Variants in TNIK observed in about 807,000 individuals in gnomAD.
The protein encoded by TNIK is TRAF2 and NCK interacting kinase, also known as TRAF2 and NCK-interacting protein kinase.
A neutral mutation model predicts 191.3 loss-of-function variants in TNIK; 49 were observed. That is an observed-to-expected ratio of 0.26 (90% confidence interval 0.20 to 0.32). TNIK has a LOEUF of 0.32. Among genes scored for constraint, TNIK ranks in the 10% least tolerant of loss-of-function variants. The probability of loss-of-function intolerance (pLI) is 1.00; values close to 1 mark genes in which losing one functional copy is unlikely to be tolerated. For synonymous variants in TNIK, 594 were observed against 600.9 expected (o/e 0.99, Z 0.17); for missense variants, 1,155 against 1,702.3 (o/e 0.68, Z 5.66).
intron 1 of TNIK, among the ~76,000 whole-genome samples, chr3:171,441,837 T>C (rs1413150984): frequency 6.6e-6 from 1 of 152,210 alleles, no homozygotes; most frequent in African/African-American, 2.4e-5. Flanking sequence ...ACATGTATTG[T>C]GGAGGAAGCA....
chr3:171,140,590 A>G, intron 12 of TNIK, 81 bp from the exon 13 acceptor site: 3 of 1,294,894 alleles, frequency 2.3e-6, no homozygotes, highest in Admixed American at 1.7e-5. Flanking sequence ...AAAGCTGTTG[A>G]ACCCCAGACA....
intron 2 of TNIK, among the ~76,000 whole-genome samples, chr3:171,267,637 T>C (rs1050239570): frequency 6.6e-6 from 1 of 152,210 alleles, no homozygotes; most frequent in Non-Finnish European, 1.5e-5. Context: ...AGCCTATTAA[T>C]AACATCTTAT....
intron 2 of TNIK, among the ~76,000 whole-genome samples, chr3:171,233,168 C>T (rs1427052643): frequency 6.6e-6 from 1 of 152,188 alleles, no homozygotes; most frequent in Non-Finnish European, 1.5e-5. Context: ...GCTCATTCTC[C>T]TTCCTATCTA....
chr3:171,247,535 G>C (rs566972121), intron 2 of TNIK, among the ~76,000 whole-genome samples: 1 of 152,164 alleles, frequency 6.6e-6, no homozygotes, highest in African/African-American at 2.4e-5. Context: ...CAAGGTTTTC[G>C]GGGGCCGGGT....
At chr3:171,213,024 C>G (rs1560270456) in intron 3 of TNIK, among the ~76,000 whole-genome samples, 1 of 151,992 alleles carries the variant, frequency 6.6e-6, no homozygotes, top group African/African-American at 2.4e-5. Context: ...GTGGCCGAAA[C>G]AGTGGGGAAG....
At chr3:171,194,464 T>C (rs1434631888) in intron 5 of TNIK, 61 bp downstream of exon 5, 9 of 1,432,550 alleles carry the variant, frequency 6.3e-6, no homozygotes, top group Non-Finnish European at 7.8e-6. Flanking sequence ...CAATCCCTCA[T>C]AAGATATCAT....
chr3:171,087,619 A>G (rs61791157), intron 23 of TNIK, 113 bp from the exon 24 acceptor site: 101,922 of 1,128,384 alleles, frequency 0.09, 5,188 homozygotes, highest in African/African-American at 0.15. Flanking sequence ...CCACTAGGGC[A>G]TGAGAAGGTG....
At chr3:171,165,155 G>A (rs1734454847) in intron 10 of TNIK, among the ~76,000 whole-genome samples, 1 of 152,028 alleles carries the variant, frequency 6.6e-6, no homozygotes, top group Non-Finnish European at 1.5e-5. Context: ...AAATCAGCCA[G>A]GCATGGTGGT....
chr3:171,169,875 C>T (rs1390344336), intron 9 of TNIK, among the ~76,000 whole-genome samples: 1 of 152,174 alleles, frequency 6.6e-6, no homozygotes, highest in African/African-American at 2.4e-5. Context: ...TGCAGAACTA[C>T]AAAGCTGGTA....
chr3:171,261,822 T>G (rs1747657424), intron 2 of TNIK, among the ~76,000 whole-genome samples: 1 of 152,130 alleles, frequency 6.6e-6, no homozygotes, highest in Non-Finnish European at 1.5e-5. Flanking sequence ...TGTGTGTTAT[T>G]CAGAGAATCA....
chr3:171,064,030 C>G, intron 32 of TNIK, 66 bp from the exon 33 acceptor site: 1 of 1,483,674 alleles, frequency 6.7e-7, no homozygotes, highest in South Asian at 1.2e-5. Context: ...TTCAACCGTC[C>G]ATCCATTTTC....
chr3:171,134,922 T>G (rs2108608547), intron 15 of TNIK, among the ~76,000 whole-genome samples: 1 of 152,178 alleles, frequency 6.6e-6, no homozygotes, highest in Admixed American at 6.5e-5. Context: ...AAAAAAAAAC[T>G]TGATGAGACG....
At position 171,125,954 on chromosome 3, in the gene TNIK, G is replaced by A. The variant is rs1265396336; in HGVS notation, c.1971C>T (p.Asp657=). The A allele has an allele frequency of 5.0e-6, 8 of 1,613,990 alleles. No individual in the cohort carries two copies. The South Asian group carries it at 8.8e-5, about 18-fold the overall frequency. Residue 657 remains aspartate (D), a synonymous_variant, in exon 17 of 33, where the codon GAC becomes GAT. Coordinates refer to ENST00000436636, the MANE Select transcript of TNIK (RefSeq NM_015028.4). ...CTTCCTGTCGTAACCAAGAGCTTCG[G>A]TCAAACTTTTCAATGCGAGTGGGGA... ...PPLPTRIEKF[D]RSSWLRQEED...
intron 1 of TNIK, among the ~76,000 whole-genome samples, chr3:171,449,967 C>T (rs1214315220): frequency 4.0e-5 from 6 of 151,484 alleles, no homozygotes; most frequent in African/African-American, 7.3e-5. Flanking sequence ...ACCCAGGAGA[C>T]GGAGGTTGCA....
intron 2 of TNIK, among the ~76,000 whole-genome samples, chr3:171,268,242 G>A (rs1748635487): frequency 6.6e-6 from 1 of 152,044 alleles, no homozygotes; most frequent in Non-Finnish European, 1.5e-5. Flanking sequence ...GTGTCTTTAT[G>A]TTGCCTAATT....
chr3:171,190,661 C>T, intron 6 of TNIK, 36 bp downstream of exon 6: 5 of 1,493,914 alleles, frequency 3.3e-6, no homozygotes, highest in African/African-American at 1.4e-5. Context: ...CTCATCACTT[C>T]CTGCAATTCC....
intron 2 of TNIK, among the ~76,000 whole-genome samples, chr3:171,294,690 T>C (rs888826073): frequency 2.6e-5 from 4 of 152,014 alleles, no homozygotes; most frequent in Non-Finnish European, 5.9e-5. Context: ...CATTGCACTC[T>C]AGCCTGGGCC....
intron 15 of TNIK, among the ~76,000 whole-genome samples, chr3:171,134,121 A>G (rs1729667007): frequency 6.6e-6 from 1 of 152,188 alleles, no homozygotes; most frequent in African/African-American, 2.4e-5. Context: ...CAGAAGAAAG[A>G]AAAAGGAATC....
intron 9 of TNIK, among the ~76,000 whole-genome samples, chr3:171,170,097 A>G (rs548103331): frequency 6.6e-6 from 1 of 152,320 alleles, no homozygotes; most frequent in African/African-American, 2.4e-5. Context: ...TTTAAAGTAC[A>G]TTTATATAAC....
Sources: allele counts gnomAD v4.1 joint callset (sites outside exome capture counted in the v4.1 genomes callset), GRCh38; gene constraint gnomAD v4.1.1; transcripts MANE v1.5; gene names NCBI Gene and HGNC (gene_info 2026-07-23, HGNC 2026-07-21).